DERA: variants seen among roughly 807,000 people sequenced by gnomAD.
The protein encoded by DERA is deoxyribose-phosphate aldolase.
A neutral mutation model predicts 41.1 loss-of-function variants in DERA; 15 were observed. That is an observed-to-expected ratio of 0.37 (90% CI 0.24 to 0.56). DERA has a LOEUF of 0.56. DERA is among the 20% of genes least tolerant of loss of function. The probability of loss-of-function intolerance (pLI) is 0.81; values close to 1 mark genes in which losing one functional copy is unlikely to be tolerated. For missense variants in DERA, 396 were observed against 403.4 expected (o/e 0.98, Z 0.16); for synonymous variants, 139 against 137.4 (o/e 1.01, Z -0.08).
intron 1 of DERA, among the ~76,000 whole-genome samples, chr12:15,926,082 CAA>C (rs1162572098): frequency 3.3e-5 from 5 of 151,834 alleles, no homozygotes; most frequent in Middle Eastern, 3.4e-3. Context: ...CTCAGCCTCC[CAA>C]AGTGCTGGGA....
In DERA at chr12:15,911,590, C is replaced by T; in HGVS notation, c.31+176C>T. The T allele has an allele frequency of 2.8e-6, 2 of 716,942 alleles. No homozygotes were observed. Among genetic ancestry groups the T allele is most frequent in the Admixed American group, 4.2e-5 (2 of 47,986 alleles). 44.4% of individuals were successfully genotyped at this position (716,942 alleles called of 1,614,324 possible). Reference sequence around the variant, plus strand: ...CCCCAAGTAAAGGCCGAACCCGGCACGTTCGCGCCGCTTGTCTTTGCACCT... The same window carrying T: ...CCCCAAGTAAAGGCCGAACCCGGCATGTTCGCGCCGCTTGTCTTTGCACCT... On this transcript the variant is annotated intron_variant, in intron 1 of 8. Coordinates refer to ENST00000428559, the MANE Select transcript of DERA (RefSeq NM_015954.4). This position sits in a 1 kb window ranked among gnomAD's most constrained non-coding sequence, Gnocchi z 4.5.
In DERA at chr12:16,001,186, G is replaced by A. The variant is rs1170367798; in HGVS notation, c.637+18750G>A. 6.6e-6 allele frequency among the ~76,000 whole-genome samples: 1 copy of A among 152,136 alleles called. No homozygotes were observed. Among genetic ancestry groups the A allele is most frequent in the Non-Finnish European group, 1.5e-5 (1 of 68,014 alleles). ...CCCATTAGAGGATGGGTCAGTAGGT[G>A]CAGCAAACCACCACGGCACACGTAC... On this transcript the variant is annotated intron_variant, in intron 6 of 8. Coordinates refer to ENST00000428559, the MANE Select transcript of DERA (RefSeq NM_015954.4). This position sits in a 1 kb window ranked among gnomAD's most constrained non-coding sequence, Gnocchi z 4.1.
intron 6 of DERA, among the ~76,000 whole-genome samples, chr12:15,986,598 A>G (rs1948765763): frequency 6.6e-6 from 1 of 152,196 alleles, no homozygotes; most frequent in Admixed American, 6.5e-5. Context: ...ACCTTACAAC[A>G]GTTTAATTTA....
rs759750464 is a variant in DERA at position 15,922,498 on chromosome 12, A to C, written c.31+11084A>C. Among the ~76,000 whole-genome samples the C allele has an allele frequency of 6.6e-6, 1 of 152,236 alleles. No individual in the cohort carries two copies. The highest frequency in any genetic ancestry group is 1.5e-5 in the Non-Finnish European group (1 of 68,032). Reference sequence around the variant, plus strand: ...TACTAATATAGAGAAATTTTGGGACACAGTGATTAGCATGTAGAGTCTAGA... The same window carrying C: ...TACTAATATAGAGAAATTTTGGGACCCAGTGATTAGCATGTAGAGTCTAGA... On this transcript the variant is annotated intron_variant, in intron 1 of 8. Transcript: ENST00000428559. The surrounding 1 kb of genome is among the most constrained non-coding windows in gnomAD (Gnocchi z 4.9).
rs1948781560 is a variant in DERA, at chr12:15,988,632, A to G, written c.637+6196A>G. Among the ~76,000 whole-genome samples the G allele has an allele frequency of 6.6e-6, 1 of 152,088 alleles. No homozygotes were observed. ...CCATCGGACTGCCTGAATGGTCATCAATGAAGTTCTCACTCCAGGCTGTGG... is the reference window on the plus strand; with the variant it reads ...CCATCGGACTGCCTGAATGGTCATCGATGAAGTTCTCACTCCAGGCTGTGG... On this transcript the variant is annotated intron_variant, in intron 6 of 8. Coordinates refer to ENST00000428559, the MANE Select transcript of DERA (RefSeq NM_015954.4). The surrounding 1 kb of genome is among the most constrained non-coding windows in gnomAD (Gnocchi z 6.0).
Position 15,958,233 on chromosome 12 carries a change from CT to C in DERA, c.178del (p.Ser60GlnfsTer25). On this transcript the variant is annotated frameshift_variant, in exon 3 of 9. Transcript: ENST00000428559. LOFTEE classifies it high-confidence loss of function. ...TGTTACCTTTATAGATCTTACTACACTTTCAGGTGATGATACATCTTCCAAC... is the reference window on the plus strand; with the variant it reads ...TGTTACCTTTATAGATCTTACTACACTTCAGGTGATGATACATCTTCCAAC... The part of the protein sequence containing the change: ...KAVTFIDLTT[L>X]SGDDTSSNIQ... The C allele has an allele frequency of 2.5e-6, 4 of 1,592,248 alleles. No homozygotes were observed. The highest frequency in any genetic ancestry group is 3.4e-6 in the Non-Finnish European group (4 of 1,168,168).
In DERA at chr12:15,915,491, C is replaced by G. The variant is rs1211070837; in HGVS notation, c.31+4077C>G. ...TATTGTTTCAATAGAGACCGTGTGTCAGTATGTTGACCAGACTGTTCTCAA... is the reference window on the plus strand; with the variant it reads ...TATTGTTTCAATAGAGACCGTGTGTGAGTATGTTGACCAGACTGTTCTCAA... On this transcript the variant is annotated intron_variant, in intron 1 of 8. Transcript: ENST00000428559. The surrounding 1 kb of genome is among the most constrained non-coding windows in gnomAD (Gnocchi z 4.8). Among the ~76,000 whole-genome samples the G allele has an allele frequency of 6.6e-6, 1 of 152,074 alleles. No individual in the cohort carries two copies. Among genetic ancestry groups the G allele is most frequent in the African/African-American group, 2.4e-5 (1 of 41,416 alleles).
chr12:15,986,162 C>T (rs1009675138), intron 6 of DERA, among the ~76,000 whole-genome samples: 1 of 152,138 alleles, frequency 6.6e-6, no homozygotes, highest in African/African-American at 2.4e-5. Context: ...TCTGGCCACA[C>T]CAGCTTTCTT....
At position 16,020,721 on chromosome 12, in the gene DERA, C is replaced by A. The variant is rs1192270868; in HGVS notation, c.638-11821C>A. ...CTGACAGAAATATAGACAATGAAGT[C>A]AAGGCTGAGGAGGTCTCAGATGGAA... On this transcript the variant is annotated intron_variant, in intron 6 of 8. Coordinates refer to ENST00000428559, the MANE Select transcript of DERA (RefSeq NM_015954.4). This position sits in a 1 kb window ranked among gnomAD's most constrained non-coding sequence, Gnocchi z 5.5. Among the ~76,000 whole-genome samples, 1 of 152,102 alleles carries A rather than the reference C, an allele frequency of 6.6e-6. No individual in the cohort carries two copies. The highest frequency in any genetic ancestry group is 1.5e-5 in the Non-Finnish European group (1 of 68,020).
chr12:15,972,604 G>T lies in DERA; in HGVS notation c.508+9657G>T. The T allele has an allele frequency of 5.5e-6, 1 of 180,210 alleles. No homozygotes were observed. The highest frequency in any genetic ancestry group is 1.3e-4 in the South Asian group (1 of 7,594). The allele number at this position is 180,210 out of a possible 1,614,324, so 11.2% of individuals were successfully genotyped here. A position where few individuals can be genotyped will look rare whatever the true frequency, so the allele number is the denominator to read the frequency against. On this transcript the variant is annotated intron_variant, in intron 5 of 8. Coordinates refer to ENST00000428559, the MANE Select transcript of DERA (RefSeq NM_015954.4). The surrounding 1 kb of genome is among the most constrained non-coding windows in gnomAD (Gnocchi z 4.4). ...ATTCCTGCCTCATGATGTGTCCCAG[G>T]GGCATTTCACGCATAGTGCAGAAGT...
At position 15,982,454 on chromosome 12, in the gene DERA, A is replaced by G. The variant is rs750953001; in HGVS notation, c.637+18A>G. 5.0e-6 allele frequency: 8 copies of G among 1,590,714 alleles called. No individual in the cohort carries two copies. In the Admixed American group the frequency reaches 1.3e-4, roughly 26 times the overall value. ...GATGGCAGGTAAGTGTTTTATGTTC[A>G]AATAATGTTTTCTATTGAATTGATG... On this transcript the variant is annotated intron_variant, in intron 6 of 8. Coordinates refer to ENST00000428559, the MANE Select transcript of DERA (RefSeq NM_015954.4). This position sits in a 1 kb window ranked among gnomAD's most constrained non-coding sequence, Gnocchi z 4.0.
At chr12:16,029,101 G>A (rs1427740950) in intron 6 of DERA, among the ~76,000 whole-genome samples, 2 of 152,160 alleles carry the variant, frequency 1.3e-5, no homozygotes, top group African/African-American at 4.8e-5. Flanking sequence ...TAATTTTTCT[G>A]TATATTGAAT....
At chr12:15,920,798 A>G (rs547535248) in intron 1 of DERA, among the ~76,000 whole-genome samples, 1 of 152,268 alleles carries the variant, frequency 6.6e-6, no homozygotes, top group South Asian at 2.1e-4. Context: ...TTGCGCCACT[A>G]CACTCCATCC....
At position 15,936,691 on chromosome 12, in the gene DERA, T is replaced by C. The variant is rs1365892616; in HGVS notation, c.32-20245T>C. ...CAAGCCATGATACAAATGAAGACTA[T>C]GTATTTTATTCAGTTGTGTTTGTCT... is the stretch of plus-strand genomic sequence containing the variant. On this transcript the variant is annotated intron_variant, in intron 1 of 8. Transcript: ENST00000428559. This position sits in a 1 kb window ranked among gnomAD's most constrained non-coding sequence, Gnocchi z 4.6. Among the ~76,000 whole-genome samples the C allele has an allele frequency of 1.3e-5, 2 of 152,238 alleles. No individual in the cohort carries two copies. The highest frequency in any genetic ancestry group is 2.9e-5 in the Non-Finnish European group (2 of 68,040).
At chr12:15,934,964 T>G (rs560306890) in intron 1 of DERA, among the ~76,000 whole-genome samples, 12 of 152,318 alleles carry the variant, frequency 7.9e-5, no homozygotes, top group African/African-American at 2.4e-4. Context: ...CGAAAAAGAT[T>G]ATGATAAAGC....
rs954946478 is a variant in DERA, at chr12:15,958,323, A to C, written c.265A>C (p.Met89Leu). ...GGAAGATCTCTTAAAAGCTTTAAATATGCATGATAAAGGTAATGTTGTTGT... is the reference window on the plus strand; with the variant it reads ...GGAAGATCTCTTAAAAGCTTTAAATCTGCATGATAAAGGTAATGTTGTTGT... Reference protein sequence around the residue: ...IREDLLKALNMHDKGITTAAV... With the variant: ...IREDLLKALNLHDKGITTAAV... The change falls in exon 3 of 9, where the codon ATG becomes CTG. Residue 89 changes from methionine (M) to leucine (L), a missense_variant. Coordinates refer to ENST00000428559, the MANE Select transcript of DERA (RefSeq NM_015954.4). The C allele has an allele frequency of 6.2e-7, 1 of 1,603,144 alleles. No individual in the cohort carries two copies. Among genetic ancestry groups the C allele is most frequent in the Non-Finnish European group, 8.5e-7 (1 of 1,175,398 alleles).
At chr12:16,027,322 T>A (rs1217470835) in intron 6 of DERA, among the ~76,000 whole-genome samples, 1 of 152,172 alleles carries the variant, frequency 6.6e-6, no homozygotes, top group African/African-American at 2.4e-5. Context: ...TGTGTACAGG[T>A]CAAGAAGTTT....
rs1948957737 is a variant in DERA at position 16,013,144 on chromosome 12, G to A, written c.638-19398G>A. Among the ~76,000 whole-genome samples, 1 of 152,170 alleles carries A rather than the reference G, an allele frequency of 6.6e-6. No homozygotes were observed. On this transcript the variant is annotated intron_variant, in intron 6 of 8. Transcript: ENST00000428559. This position sits in a 1 kb window ranked among gnomAD's most constrained non-coding sequence, Gnocchi z 5.8. ...CTCTTTGGCCAGTGTGAAATTTCCA[G>A]TGTTGATACCAGTCTTTAAAAATCA...
rs887844476 is a variant in DERA at position 15,999,864 on chromosome 12, A to G, written c.637+17428A>G. 1.3e-5 allele frequency among the ~76,000 whole-genome samples: 2 copies of G among 152,200 alleles called. No individual in the cohort carries two copies. The highest frequency in any genetic ancestry group is 3.9e-4 in the East Asian group (2 of 5,190). On this transcript the variant is annotated intron_variant, in intron 6 of 8. Transcript: ENST00000428559. The surrounding 1 kb of genome is among the most constrained non-coding windows in gnomAD (Gnocchi z 5.3). The stretch of plus-strand genomic sequence containing the variant: ...GATTATTATGACACCCTCAATCCAG[A>G]TGCTTTGTAGAAGCAGAGCAGTGAT...
Sources: gnomAD v4.1 joint callset for allele counts (sites outside exome capture counted in the v4.1 genomes callset) on GRCh38, gnomAD v4.1.1 for gene constraint, Gnocchi (gnomAD v3.1) non-coding constraint, MANE v1.5 for transcripts, NCBI Gene and HGNC (gene_info 2026-07-23, HGNC 2026-07-21) for gene names.